The following OPCML variants were observed in gnomAD, a reference collection of about 807,000 sequenced individuals.
The protein encoded by OPCML is opioid-binding protein/cell adhesion molecule.
A neutral mutation model predicts 37.8 loss-of-function variants in OPCML; 13 were observed. That is an observed-to-expected ratio of 0.34 (90% confidence interval 0.22 to 0.55). The LOEUF (loss-of-function observed/expected upper bound fraction) is 0.55, where lower values mean the gene tolerates loss of function less well. Ranked by LOEUF, OPCML falls within the 20% of genes least tolerant of loss-of-function variation. The probability of loss-of-function intolerance (pLI) is 0.91; values close to 1 mark genes in which losing one functional copy is unlikely to be tolerated. For synonymous variants in OPCML, 176 were observed against 168.8 expected (o/e 1.04, Z -0.33); for missense variants, 341 against 435.6 (o/e 0.78, Z 1.93).
intron 3 of OPCML, among the ~76,000 whole-genome samples, chr11:132,630,410 T>C (rs537089085): frequency 1.3e-5 from 2 of 152,188 alleles, no homozygotes; most frequent in South Asian, 4.1e-4. Flanking sequence ...ATACAAAAAT[T>C]AGCTGGGCGT....
chr11:132,518,791 G>T (rs1398776098), intron 4 of OPCML, among the ~76,000 whole-genome samples: 1 of 152,148 alleles, frequency 6.6e-6, no homozygotes, highest in Non-Finnish European at 1.5e-5. Flanking sequence ...CTCCAGACCG[G>T]CAGGAACAAC....
At chr11:133,456,593 T>C (rs1194504627) in intron 1 of OPCML, among the ~76,000 whole-genome samples, 1 of 151,900 alleles carries the variant, frequency 6.6e-6, no homozygotes, top group African/African-American at 2.4e-5. Context: ...TATCAGACTG[T>C]CCAGGAAAAG....
At chr11:132,549,236 A>T (rs375883922) in intron 3 of OPCML, among the ~76,000 whole-genome samples, 152 of 152,310 alleles carry the variant, frequency 1.0e-3, no homozygotes, top group African/African-American at 3.6e-3. Flanking sequence ...ATGCATTAGC[A>T]TGCTAAAAGA....
At chr11:133,322,910 G>A (rs896803659) in intron 1 of OPCML, among the ~76,000 whole-genome samples, 1 of 152,176 alleles carries the variant, frequency 6.6e-6, no homozygotes. Flanking sequence ...AAACAACTGA[G>A]CAATTAGGAA....
Position 133,036,412 on chromosome 11 carries a change from G to A in OPCML, c.62-93402C>T, listed in dbSNP as rs546565295. On this transcript the variant is annotated intron_variant, in intron 1 of 7. Transcript: ENST00000524381. ...AGAGAAATGTTAAATTTTATTGTTAGCATTTGTTTACATGCCCACATGCTA... is the reference window on the plus strand; with the variant it reads ...AGAGAAATGTTAAATTTTATTGTTAACATTTGTTTACATGCCCACATGCTA... 2.0e-4 allele frequency among the ~76,000 whole-genome samples: 30 copies of A among 152,322 alleles called. No homozygotes were observed. In the East Asian group the frequency reaches 3.5e-3, roughly 18 times the overall value.
At chr11:133,481,001 G>T (rs1351898754) in intron 1 of OPCML, among the ~76,000 whole-genome samples, 1 of 152,188 alleles carries the variant, frequency 6.6e-6, no homozygotes, top group Admixed American at 6.5e-5. Flanking sequence ...ACACTGAGTG[G>T]GGCCCAGGCA....
At chr11:132,516,911 T>C (rs1006834645) in intron 4 of OPCML, among the ~76,000 whole-genome samples, 6 of 152,196 alleles carry the variant, frequency 3.9e-5, no homozygotes, top group African/African-American at 1.4e-4. Context: ...GAACCTCTTC[T>C]GCTGCCCACC....
At chr11:132,732,396 G>A (rs1463654734) in intron 2 of OPCML, among the ~76,000 whole-genome samples, 1 of 152,142 alleles carries the variant, frequency 6.6e-6, no homozygotes, top group Non-Finnish European at 1.5e-5. Context: ...GGGAGAAAGG[G>A]GTTATAGACA....
At chr11:132,539,720 G>A (rs977597298) in intron 3 of OPCML, among the ~76,000 whole-genome samples, 1 of 152,052 alleles carries the variant, frequency 6.6e-6, no homozygotes, top group Non-Finnish European at 1.5e-5. Context: ...TTATGGTGAT[G>A]ATGATGGTGA....
chr11:133,306,893 G>T (rs908062660), intron 1 of OPCML, among the ~76,000 whole-genome samples: 33 of 152,110 alleles, frequency 2.2e-4, no homozygotes, highest in African/African-American at 7.5e-4. Context: ...ACATACAGCT[G>T]GCCATGTAAT....
rs192871884 is a variant in OPCML at position 132,436,823 on chromosome 11, G to A, written c.644-44C>T. The A allele has an allele frequency of 2.2e-4, 344 of 1,593,180 alleles. 1 individual carries two copies. Among genetic ancestry groups the A allele is most frequent in the Admixed American group, 5.1e-4 (30 of 58,982 alleles). ...CACACATGCACAGGCATGCACGCAC[G>A]CACACACAGAGTGATTTCGTGAAAG... is the stretch of plus-strand genomic sequence containing the variant. On this transcript the variant is annotated intron_variant, in intron 5 of 7. Transcript: ENST00000524381.
chr11:133,301,098 T>G (rs549141835), intron 1 of OPCML: 3 of 152,310 alleles, frequency 2.0e-5, no homozygotes, highest in African/African-American at 7.2e-5. Flanking sequence ...TGGCTACACA[T>G]GCAGAATTTT....
chr11:132,819,443 A>T (rs1006515077), intron 2 of OPCML, among the ~76,000 whole-genome samples: 2 of 152,196 alleles, frequency 1.3e-5, no homozygotes, highest in African/African-American at 2.4e-5. Flanking sequence ...ATTTATTTTT[A>T]AAAAATTGCA....
chr11:132,882,456 T>C (rs958454530), intron 2 of OPCML, among the ~76,000 whole-genome samples: 12 of 152,170 alleles, frequency 7.9e-5, no homozygotes, highest in African/African-American at 2.4e-4. Flanking sequence ...CAGTCCGTCA[T>C]TTGTGTCCCA....
intron 1 of OPCML, among the ~76,000 whole-genome samples, chr11:132,994,439 G>T (rs1946844222): frequency 6.6e-6 from 1 of 152,164 alleles, no homozygotes; most frequent in African/African-American, 2.4e-5. Flanking sequence ...AGGAGCTGCT[G>T]GGGGCTCGCC....
chr11:133,276,994 G>A lies in OPCML; in HGVS notation c.61+255270C>T, dbSNP rs74339469. Among the ~76,000 whole-genome samples, 968 of 152,132 alleles carry A rather than the reference G, an allele frequency of 6.4e-3. 6 individuals carry two copies. Among genetic ancestry groups the A allele is most frequent in the African/African-American group, 0.021 (887 of 41,494 alleles). Reference sequence around the variant, plus strand: ...TAAATACAGATATAGATGTCCTGTCGGTATTTCAAATGTATCGACTCTTTT... The same window carrying A: ...TAAATACAGATATAGATGTCCTGTCAGTATTTCAAATGTATCGACTCTTTT... On this transcript the variant is annotated intron_variant, in intron 1 of 7. Transcript: ENST00000524381.
chr11:132,565,205 C>T (rs185477842), intron 3 of OPCML, among the ~76,000 whole-genome samples: 74 of 152,280 alleles, frequency 4.9e-4, no homozygotes, highest in African/African-American at 1.6e-3. Flanking sequence ...TCCTTTACTT[C>T]CCAGATCCTA....
intron 1 of OPCML, among the ~76,000 whole-genome samples, chr11:133,451,074 G>A (rs986233261): frequency 1.3e-5 from 2 of 151,464 alleles, no homozygotes; most frequent in African/African-American, 4.9e-5. Context: ...GTCTCTAACG[G>A]GGGAAAAGGG....
chr11:132,618,865 C>T (rs1023290552), intron 3 of OPCML, among the ~76,000 whole-genome samples: 7 of 151,948 alleles, frequency 4.6e-5, no homozygotes, highest in Admixed American at 3.9e-4. Context: ...TTGTAACCTG[C>T]TCTTGACCAA....
Sources: gnomAD v4.1 joint callset for allele counts (sites outside exome capture counted in the v4.1 genomes callset) on GRCh38, gnomAD v4.1.1 for gene constraint, MANE v1.5 for transcripts, NCBI Gene and HGNC (gene_info 2026-07-23, HGNC 2026-07-21) for gene names.